The following FXYD4 variants were observed in gnomAD, a reference collection of about 807,000 sequenced individuals.
FXYD4 encodes the protein FXYD domain-containing ion transport regulator 4.
FXYD4 carries 14 observed loss-of-function variants against 18.3 expected under a neutral mutation model. The observed-to-expected ratio is 0.77, with a 90% CI of 0.51 to 1.20. FXYD4 has a LOEUF of 1.20. FXYD4 is among the 50% of genes most tolerant of loss of function. The probability of loss-of-function intolerance (pLI) is 0.00; values close to 1 mark genes in which losing one functional copy is unlikely to be tolerated. For missense variants in FXYD4, 99 were observed against 106.1 expected, an observed-to-expected ratio of 0.93 and a Z score of 0.29; for synonymous variants, 40 against 40.5, an observed-to-expected ratio of 0.99 and a Z score of 0.04.
intron 3 of FXYD4, 39 bp from the exon 4 acceptor site, chr10:43,374,431 C>T (rs374202725): frequency 1.2e-6 from 2 of 1,608,856 alleles, no homozygotes; most frequent in African/African-American, 2.7e-5. Flanking sequence ...ACACCAGTGT[C>T]ATGAATTCCC....
chr10:43,372,912 G>A (rs1324237300), intron 2 of FXYD4, 140 bp downstream of exon 2: 2 of 152,238 alleles, frequency 1.3e-5, no homozygotes, highest in Non-Finnish European at 2.9e-5. Context: ...ACAATATGCA[G>A]AGGGCTGGGA....
At chr10:43,374,933 C>T (rs1837850551) in intron 5 of FXYD4, among the ~76,000 whole-genome samples, 1 of 151,738 alleles carries the variant, frequency 6.6e-6, no homozygotes, top group Non-Finnish European at 1.5e-5. Context: ...CTCAGGCAGT[C>T]CTCCTCTCCT....
In FXYD4 at chr10:43,376,197, A is replaced by G. The variant is rs767432287; in HGVS notation, c.*31A>G. 5.6e-6 allele frequency: 9 copies of G among 1,611,926 alleles called. No homozygotes were observed. Among genetic ancestry groups the G allele is most frequent in the Middle Eastern group, 2.0e-4 (1 of 5,086 alleles). ...GGACTGGCCTCCAGGGATGGCCTGA[A>G]GCCTAACACTGGCCCCCAGCACCTC... On this transcript the variant is annotated 3_prime_UTR_variant, in exon 9 of 9. Transcript: ENST00000476166.
Position 43,374,512 on chromosome 10 carries a change from G to A in FXYD4, c.70+10G>A. The A allele has an allele frequency of 6.2e-7, 1 of 1,613,838 alleles. No homozygotes were observed. The highest frequency in any genetic ancestry group is 8.5e-7 in the Non-Finnish European group (1 of 1,179,752). Reference sequence around the variant, plus strand: ...GCCAATGACCCATTTGGTGAGTGAGGCCCCCAAACAGCCTGCCCACTCTGC... The same window carrying A: ...GCCAATGACCCATTTGGTGAGTGAGACCCCCAAACAGCCTGCCCACTCTGC... On this transcript the variant is annotated intron_variant, in intron 4 of 8. Coordinates refer to ENST00000476166, the MANE Select transcript of FXYD4 (RefSeq NM_173160.3).
intron 6 of FXYD4, 26 bp from the exon 7 acceptor site, chr10:43,375,669 G>A: frequency 6.2e-7 from 1 of 1,613,842 alleles, no homozygotes; most frequent in Non-Finnish European, 8.5e-7. Context: ...CACTGACCCT[G>A]GCGCTGACCC....
rs1287432575 is a variant in FXYD4, at chr10:43,373,707, A to C, written c.-40A>C. 1 of 1,316,592 alleles carries C rather than the reference A, an allele frequency of 7.6e-7. No individual in the cohort carries two copies. The allele number at this position is 1,316,592 out of a possible 1,614,324, so 81.6% of individuals were successfully genotyped here. ...TCCGTGGGCTGCAGACCCCCGCCCC[A>C]GTGCCTCTCCCCCTGCAGCCCTGCC... On this transcript the variant is annotated 5_prime_UTR_variant, in exon 3 of 9. Transcript: ENST00000476166.
intron 6 of FXYD4, 39 bp downstream of exon 6, chr10:43,375,612 G>C: frequency 6.2e-7 from 1 of 1,608,984 alleles, no homozygotes; most frequent in Non-Finnish European, 8.5e-7. Flanking sequence ...GACAGGGTGG[G>C]GCTGGCGGAC....
Position 43,374,589 on chromosome 10 carries a change from G to C in FXYD4, c.71-24G>C, listed in dbSNP as rs755153952. On this transcript the variant is annotated intron_variant, in intron 4 of 8. Coordinates refer to ENST00000476166, the MANE Select transcript of FXYD4 (RefSeq NM_173160.3). Reference sequence around the variant, plus strand: ...CCTGTCTCCTGGTTCTGGTTCTGAAGTCTTTTTGCCCCACTTTTTCTAGCC... The same window carrying C: ...CCTGTCTCCTGGTTCTGGTTCTGAACTCTTTTTGCCCCACTTTTTCTAGCC... 1.9e-6 allele frequency: 3 copies of C among 1,613,724 alleles called. No homozygotes were observed. In the South Asian group the frequency reaches 3.3e-5, roughly 18 times the overall value.
At chr10:43,372,142 A>G (rs1162866510) in intron 1 of FXYD4, among the ~76,000 whole-genome samples, 1 of 152,056 alleles carries the variant, frequency 6.6e-6, no homozygotes, top group Non-Finnish European at 1.5e-5. Flanking sequence ...TGGTGAAGGT[A>G]GAGAGACCAG....
At chr10:43,374,550 T>C in intron 4 of FXYD4, 48 bp downstream of exon 4, 1 of 1,612,476 alleles carries the variant, frequency 6.2e-7, no homozygotes, top group Non-Finnish European at 8.5e-7. Context: ...ACATCTCCCC[T>C]CTGACACCCA....
Position 43,376,140 on chromosome 10 carries a change from T to C in FXYD4, c.251-7T>C. ...GTGTCTGATGGCCTGCCCGCCACTC[T>C]CCGCAGGCTCTGCCACTACTTGCTG... On this transcript the variant is annotated splice_polypyrimidine_tract_variant and splice_region_variant and intron_variant, in intron 8 of 8. Coordinates refer to ENST00000476166, the MANE Select transcript of FXYD4 (RefSeq NM_173160.3). 6.2e-7 allele frequency: 1 copy of C among 1,613,928 alleles called. No individual in the cohort carries two copies. The highest frequency in any genetic ancestry group is 8.5e-7 in the Non-Finnish European group (1 of 1,179,968).
chr10:43,374,406 G>C, intron 3 of FXYD4, 64 bp from the exon 4 acceptor site: 6 of 1,540,072 alleles, frequency 3.9e-6, no homozygotes, highest in Non-Finnish European at 5.4e-6. Flanking sequence ...GGGTCCTGCT[G>C]TCTGGCTTAC....
rs755134193 is a variant in FXYD4 at position 43,374,643 on chromosome 10, A to G, written c.97+4A>G. On this transcript the variant is annotated splice_donor_region_variant and intron_variant, in intron 5 of 8. Coordinates refer to ENST00000476166, the MANE Select transcript of FXYD4 (RefSeq NM_173160.3). ...AAAGACGATCCCTTCTACTATGGTA[A>G]GAGCTGATATTCCCACCCCCACCCT... is the stretch of plus-strand genomic sequence containing the variant. 1.2e-6 allele frequency: 2 copies of G among 1,611,950 alleles called. No individual in the cohort carries two copies. Among genetic ancestry groups the G allele is most frequent in the Admixed American group, 1.7e-5 (1 of 60,014 alleles).
intron 3 of FXYD4, 27 bp downstream of exon 3, chr10:43,373,810 C>G: frequency 6.6e-7 from 1 of 1,514,240 alleles, no homozygotes; most frequent in Non-Finnish European, 9.2e-7. Flanking sequence ...TCCTGGGACC[C>G]TCTTGCATTC....
At chr10:43,375,353 C>T (rs904712815) in intron 5 of FXYD4, 146 bp from the exon 6 acceptor site, 2 of 644,788 alleles carry the variant, frequency 3.1e-6, no homozygotes, top group African/African-American at 1.8e-5. Flanking sequence ...TAGTGTTTCC[C>T]CACGAGACGC....
At chr10:43,374,532 C>G in intron 4 of FXYD4, 30 bp downstream of exon 4, 2 of 1,613,514 alleles carry the variant, frequency 1.2e-6, no homozygotes, top group Non-Finnish European at 1.7e-6. Context: ...AGCCTGCCCA[C>G]TCTGCCCACA....
intron 1 of FXYD4, among the ~76,000 whole-genome samples, chr10:43,371,993 C>T (rs916521011): frequency 2.0e-5 from 3 of 150,460 alleles, no homozygotes; most frequent in Non-Finnish European, 3.0e-5. Flanking sequence ...TGCAGTGAGC[C>T]GAGATCACGC....
intron 3 of FXYD4, among the ~76,000 whole-genome samples, 162 bp from the exon 4 acceptor site, chr10:43,374,308 G>A (rs374378958): frequency 1.9e-4 from 29 of 152,336 alleles, no homozygotes; most frequent in African/African-American, 6.5e-4. Flanking sequence ...GGGCTTGGGC[G>A]GGGCCACACC....
intron 2 of FXYD4, among the ~76,000 whole-genome samples, chr10:43,373,182 G>A (rs1468866091): frequency 6.6e-6 from 1 of 152,002 alleles, no homozygotes; most frequent in African/African-American, 2.4e-5. Flanking sequence ...CAGACTGAGG[G>A]TGCTGGACTC....
Sources: allele counts gnomAD v4.1 joint callset (sites outside exome capture counted in the v4.1 genomes callset), GRCh38; gene constraint gnomAD v4.1.1; transcripts MANE v1.5; gene names NCBI Gene and HGNC (gene_info 2026-07-23, HGNC 2026-07-21).